PRKN: variants seen among roughly 807,000 people sequenced by gnomAD.
PRKN encodes E3 ubiquitin-protein ligase parkin.
PRKN carries 56 observed loss-of-function variants against 59.5 expected under a neutral mutation model. That is an observed-to-expected ratio of 0.94 (90% CI 0.76 to 1.18). The LOEUF (loss-of-function observed/expected upper bound fraction) is 1.18, where lower values mean the gene tolerates loss of function less well. Ranked by LOEUF, PRKN falls within the 50% of genes most tolerant of loss-of-function variation. The pLI is 0.00. For missense variants in PRKN, 657 were observed against 596.4 expected (o/e 1.10, Z -1.06); for synonymous variants, 250 against 222.1 (o/e 1.13, Z -1.12).
At chr6:162,171,487 G>A (rs904586272) in intron 4 of PRKN, among the ~76,000 whole-genome samples, 8 of 152,126 alleles carry the variant, frequency 5.3e-5, no homozygotes, top group African/African-American at 1.7e-4. Context: ...TTCCTCCTCT[G>A]TCAAACCGGG....
Position 161,369,917 on chromosome 6 carries a change from C to A in PRKN, c.1168-9712G>T. ...TCCATCTGTGGCTCAAGAGGAATAA[C>A]CTCACAAGGGTCATCGTGAGTAAGA... On this transcript the variant is annotated intron_variant, in intron 10 of 11. Coordinates refer to ENST00000366898, the MANE Select transcript of PRKN (RefSeq NM_004562.3). The surrounding 1 kb of genome is among the most constrained non-coding windows in gnomAD (Gnocchi z 5.8). The A allele has an allele frequency of 2.5e-6, 1 of 395,548 alleles. No homozygotes were observed. Among genetic ancestry groups the A allele is most frequent in the South Asian group, 1.7e-5 (1 of 57,418 alleles). The allele number at this position is 395,548 out of a possible 1,614,324, so 24.5% of individuals were successfully genotyped here. A position where few individuals can be genotyped will look rare whatever the true frequency, so the allele number is the denominator to read the frequency against.
intron 7 of PRKN, among the ~76,000 whole-genome samples, chr6:161,741,887 G>C (rs1583085799): frequency 6.6e-6 from 1 of 152,114 alleles, no homozygotes; most frequent in East Asian, 1.9e-4. Flanking sequence ...TCATGGGGGT[G>C]GTTTCCCCCA....
chr6:161,452,294 G>C (rs1276690886), intron 9 of PRKN, among the ~76,000 whole-genome samples: 1 of 152,136 alleles, frequency 6.6e-6, no homozygotes, highest in Non-Finnish European at 1.5e-5. Flanking sequence ...TTAAAAAATA[G>C]TTTTGTTTTT....
chr6:161,746,030 C>T (rs1412218210), intron 7 of PRKN, among the ~76,000 whole-genome samples: 1 of 152,164 alleles, frequency 6.6e-6, no homozygotes, highest in East Asian at 1.9e-4. Context: ...AATGCCAAAA[C>T]AAAATGCTCA....
At chr6:161,793,050 T>C (rs1018623305) in intron 6 of PRKN, among the ~76,000 whole-genome samples, 4 of 152,190 alleles carry the variant, frequency 2.6e-5, no homozygotes, top group Non-Finnish European at 5.9e-5. Context: ...AGAGAGAGCA[T>C]TTCAGCCCAC....
chr6:161,464,285 A>C (rs1234710549), intron 9 of PRKN, among the ~76,000 whole-genome samples: 1 of 152,184 alleles, frequency 6.6e-6, no homozygotes. Flanking sequence ...AAGTGCTGGA[A>C]TTACAGGCGT....
At chr6:162,231,303 G>A (rs529649137) in intron 3 of PRKN, among the ~76,000 whole-genome samples, 39 of 152,246 alleles carry the variant, frequency 2.6e-4, no homozygotes, top group African/African-American at 8.4e-4. Flanking sequence ...TTCTGAAAGG[G>A]AAAACCAAAT....
chr6:161,422,179 A>G (rs1788133692), intron 9 of PRKN, among the ~76,000 whole-genome samples: 1 of 151,868 alleles, frequency 6.6e-6, no homozygotes, highest in Non-Finnish European at 1.5e-5. Flanking sequence ...TAACCGACTA[A>G]GGAAACACAA....
At chr6:161,441,040 G>A (rs1789191120) in intron 9 of PRKN, among the ~76,000 whole-genome samples, 1 of 152,212 alleles carries the variant, frequency 6.6e-6, no homozygotes, top group Non-Finnish European at 1.5e-5. Flanking sequence ...GCATCTCAGA[G>A]GGATTTTTGA....
intron 8 of PRKN, among the ~76,000 whole-genome samples, chr6:161,556,737 T>G (rs535195174): frequency 6.6e-6 from 1 of 152,220 alleles, no homozygotes; most frequent in South Asian, 2.1e-4. Context: ...CAATATTGAA[T>G]AGCATTTTAT....
chr6:161,875,197 G>A (rs189195102), intron 6 of PRKN, among the ~76,000 whole-genome samples: 4,604 of 139,500 alleles, frequency 0.033, 276 homozygotes, highest in African/African-American at 0.12. Flanking sequence ...GTGTATATAT[G>A]TATACATTTT....
At chr6:161,820,429 A>C (rs960614141) in intron 6 of PRKN, among the ~76,000 whole-genome samples, 4 of 150,174 alleles carry the variant, frequency 2.7e-5, no homozygotes, top group Non-Finnish European at 5.9e-5. Context: ...ATTACAAATA[A>C]TTTTTTAAAT....
intron 2 of PRKN, among the ~76,000 whole-genome samples, chr6:162,380,086 T>C (rs1786347799): frequency 6.6e-6 from 1 of 152,166 alleles, no homozygotes; most frequent in Non-Finnish European, 1.5e-5. Flanking sequence ...GCAACATCTT[T>C]TTAAAATTAT....
intron 6 of PRKN, among the ~76,000 whole-genome samples, chr6:161,829,806 G>T (rs1337429381): frequency 6.7e-6 from 1 of 148,880 alleles, no homozygotes; most frequent in Non-Finnish European, 1.5e-5. Flanking sequence ...CTGTGTATGA[G>T]GACCCCAAGT....
At chr6:162,216,144 A>T (rs1777641151) in intron 3 of PRKN, among the ~76,000 whole-genome samples, 1 of 152,244 alleles carries the variant, frequency 6.6e-6, no homozygotes, top group African/African-American at 2.4e-5. Context: ...TGCAGGAAAC[A>T]CTATCATTGT....
intron 6 of PRKN, among the ~76,000 whole-genome samples, chr6:161,857,365 A>G (rs1404352168): frequency 6.6e-6 from 1 of 152,200 alleles, no homozygotes; most frequent in Non-Finnish European, 1.5e-5. Flanking sequence ...ATTTCAATAC[A>G]ACTTTACTTA....
intron 1 of PRKN, among the ~76,000 whole-genome samples, chr6:162,707,096 T>C (rs751410301): frequency 4.0e-5 from 6 of 149,460 alleles, no homozygotes; most frequent in Non-Finnish European, 8.9e-5. Flanking sequence ...AAATTTCTAA[T>C]ACATATAAAG....
chr6:161,500,821 A>C (rs1777931007), intron 9 of PRKN, among the ~76,000 whole-genome samples: 1 of 151,972 alleles, frequency 6.6e-6, no homozygotes, highest in Admixed American at 6.5e-5. Context: ...AAATACCAAG[A>C]AGCATGTTTG....
intron 7 of PRKN, among the ~76,000 whole-genome samples, chr6:161,572,105 C>T (rs1780913289): frequency 6.6e-6 from 1 of 152,152 alleles, no homozygotes; most frequent in African/African-American, 2.4e-5. Flanking sequence ...CAGTAAACGT[C>T]CTCTTGTCTC....
Sources: allele counts gnomAD v4.1 joint callset (sites outside exome capture counted in the v4.1 genomes callset), GRCh38; gene constraint gnomAD v4.1.1; non-coding constraint Gnocchi (gnomAD v3.1); transcripts MANE v1.5; gene names NCBI Gene and HGNC (gene_info 2026-07-23, HGNC 2026-07-21).